ACOXL: variants seen among roughly 807,000 people sequenced by gnomAD.
ACOXL encodes acyl-CoA oxidase like, also known as acyl-coenzyme A oxidase-like protein.
Under a neutral mutation model 71.9 loss-of-function variants are expected in ACOXL, and 70 were observed. The observed-to-expected ratio is 0.97, with a 90% CI of 0.80 to 1.19. The LOEUF is 1.19. Among genes scored for constraint, ACOXL ranks in the 50% most tolerant of loss-of-function variants. The pLI is 0.00. For missense variants in ACOXL, 703 were observed against 736.3 expected, an observed-to-expected ratio of 0.95 and a Z score of 0.52; for synonymous variants, 253 against 281.6, an observed-to-expected ratio of 0.90 and a Z score of 1.02.
rs527541810 is a variant in ACOXL at position 111,011,765 on chromosome 2, T to C, written c.1281+15761T>C. 7.2e-5 allele frequency among the ~76,000 whole-genome samples: 11 copies of C among 151,858 alleles called. No homozygotes were observed. The South Asian group carries it at 2.3e-3, about 32-fold the overall frequency. ...GGGTGTGGTGGTAACACAGCTGTTA[T>C]CCCAGCTATTTGGGAGGCTGAGGCA... On this transcript the variant is annotated intron_variant, in intron 14 of 17. Transcript: ENST00000439055.
chr2:110,872,304 G>A (rs1224380029), intron 10 of ACOXL, among the ~76,000 whole-genome samples: 1 of 152,236 alleles, frequency 6.6e-6, no homozygotes, highest in Non-Finnish European at 1.5e-5. Context: ...CAGGATTCAA[G>A]AGGAGGGGAC....
intron 3 of ACOXL, 92 bp from the exon 4 acceptor site, chr2:110,793,558 A>G: frequency 8.4e-7 from 1 of 1,187,900 alleles, no homozygotes; most frequent in East Asian, 2.3e-5. Flanking sequence ...GGGGCTGAAT[A>G]GCTGCTCCCT....
At chr2:110,878,272 G>A (rs1558661452) in intron 10 of ACOXL, among the ~76,000 whole-genome samples, 1 of 152,124 alleles carries the variant, frequency 6.6e-6, no homozygotes, top group Admixed American at 6.5e-5. Context: ...GAAAAATGCA[G>A]TAATCAAAAA....
chr2:110,876,545 C>T (rs1485250799), intron 10 of ACOXL, among the ~76,000 whole-genome samples: 1 of 152,152 alleles, frequency 6.6e-6, no homozygotes, highest in Admixed American at 6.5e-5. Context: ...TGCAGCTTGT[C>T]ACTCCAGCTT....
intron 14 of ACOXL, among the ~76,000 whole-genome samples, chr2:111,006,527 T>A (rs945977026): frequency 6.6e-6 from 1 of 152,004 alleles, no homozygotes; most frequent in Admixed American, 6.6e-5. Context: ...ATTGTAGGAA[T>A]GTTCTTCTTT....
chr2:110,809,737 A>G (rs747621959), intron 9 of ACOXL, among the ~76,000 whole-genome samples: 1 of 152,136 alleles, frequency 6.6e-6, no homozygotes, highest in Non-Finnish European at 1.5e-5. Flanking sequence ...GCAAGGGTTC[A>G]TGGAAGACTT....
At chr2:110,798,842 C>A in intron 6 of ACOXL, 118 bp downstream of exon 6, 1 of 1,171,970 alleles carries the variant, frequency 8.5e-7, no homozygotes, top group Non-Finnish European at 1.3e-6. Flanking sequence ...ACTTTATCTC[C>A]TAATATGCAT....
chr2:110,840,431 C>G (rs183002745), intron 9 of ACOXL, among the ~76,000 whole-genome samples: 2 of 152,112 alleles, frequency 1.3e-5, no homozygotes, highest in African/African-American at 4.8e-5. Context: ...AATAGGCACA[C>G]GCATACACAC....
At chr2:110,768,315 C>A in intron 1 of ACOXL, 53 bp from the exon 2 acceptor site, 1 of 1,480,916 alleles carries the variant, frequency 6.8e-7, no homozygotes, top group South Asian at 1.1e-5. Context: ...CATCCACAGC[C>A]TCCCCTCAGT....
At chr2:110,852,202 C>T (rs905552587) in intron 10 of ACOXL, among the ~76,000 whole-genome samples, 3 of 152,170 alleles carry the variant, frequency 2.0e-5, no homozygotes, top group African/African-American at 4.8e-5. Context: ...TGACTGGCAC[C>T]GTGTCGCCCT....
chr2:110,805,127 C>T (rs986402637), intron 8 of ACOXL, 136 bp from the exon 9 acceptor site: 11 of 1,169,734 alleles, frequency 9.4e-6, no homozygotes, highest in Non-Finnish European at 8.5e-6. Context: ...CTTATCGGCG[C>T]TCTGTCTCAA....
intron 10 of ACOXL, among the ~76,000 whole-genome samples, chr2:110,862,537 G>T (rs756733860): frequency 1.3e-5 from 2 of 152,226 alleles, no homozygotes; most frequent in Non-Finnish European, 2.9e-5. Context: ...GGTGCTGCTT[G>T]TGAAATGGGC....
At chr2:110,909,018 G>C (rs2059558456) in intron 11 of ACOXL, 113 bp downstream of exon 11, 6 of 801,936 alleles carry the variant, frequency 7.5e-6, no homozygotes, top group Non-Finnish European at 1.2e-5. Context: ...TCAGGAAAGA[G>C]TCTGTTGTTA....
chr2:110,956,651 G>A (rs2061512088), intron 12 of ACOXL, among the ~76,000 whole-genome samples: 1 of 152,148 alleles, frequency 6.6e-6, no homozygotes, highest in Non-Finnish European at 1.5e-5. Context: ...CCTGGTTGGT[G>A]GGTCAGTCTC....
rs148070429 is a variant in ACOXL, at chr2:110,736,269, C to T, written c.-23+3495C>T. On this transcript the variant is annotated intron_variant, in intron 1 of 17. Coordinates refer to ENST00000439055, the MANE Select transcript of ACOXL (RefSeq NM_001142807.4). ...GACCATTTAACTGCTTCTGAATGTA[C>T]AACTCAGTGGCATTAAGTGCGTTCA... 1.0e-3 allele frequency among the ~76,000 whole-genome samples: 156 copies of T among 152,256 alleles called. 2 individuals are homozygous for T. The highest frequency in any genetic ancestry group is 3.6e-3 in the African/African-American group (150 of 41,540).
chr2:111,009,301 G>A (rs1456284913), intron 14 of ACOXL, among the ~76,000 whole-genome samples: 1 of 152,012 alleles, frequency 6.6e-6, no homozygotes, highest in Non-Finnish European at 1.5e-5. Context: ...ATCACTTGAG[G>A]TCAAGAGTTC....
At chr2:110,813,913 A>G (rs1687626238) in intron 9 of ACOXL, among the ~76,000 whole-genome samples, 1 of 152,094 alleles carries the variant, frequency 6.6e-6, no homozygotes, top group Non-Finnish European at 1.5e-5. Context: ...GGAACCTGAG[A>G]TGTAGGAAGA....
rs1483932456 is a variant in ACOXL, at chr2:111,118,040, T to G, written c.*224T>G. On this transcript the variant is annotated 3_prime_UTR_variant, in exon 18 of 18. Coordinates refer to ENST00000439055, the MANE Select transcript of ACOXL (RefSeq NM_001142807.4). The stretch of plus-strand genomic sequence containing the variant: ...TGGTGCGCTGGATCCCTGTGCCCTT[T>G]CCCTGAAACCCAGCCTGGCCTGACT... The G allele has an allele frequency of 1.6e-6, 1 of 606,426 alleles. No individual in the cohort carries two copies. The highest frequency in any genetic ancestry group is 2.9e-6 in the Non-Finnish European group (1 of 346,782). 37.6% of individuals were successfully genotyped at this position (606,426 alleles called of 1,614,324 possible). A position where few individuals can be genotyped will look rare whatever the true frequency, so the allele number is the denominator to read the frequency against.
chr2:110,920,580 T>G (rs1012533428), intron 11 of ACOXL, among the ~76,000 whole-genome samples: 2 of 152,196 alleles, frequency 1.3e-5, no homozygotes, highest in African/African-American at 4.8e-5. Flanking sequence ...AAATTTTTGT[T>G]TGGTTCAACA....
Sources: gnomAD v4.1 joint callset for allele counts (sites outside exome capture counted in the v4.1 genomes callset) on GRCh38, gnomAD v4.1.1 for gene constraint, MANE v1.5 for transcripts, NCBI Gene and HGNC (gene_info 2026-07-23, HGNC 2026-07-21) for gene names.